The following DOK5 variants were observed in gnomAD, a reference collection of about 807,000 sequenced individuals.
DOK5 encodes the protein docking protein 5.
DOK5 carries 27 observed loss-of-function variants against 43.3 expected under a neutral mutation model. That is an observed-to-expected ratio of 0.62 (90% CI 0.46 to 0.86). The LOEUF (loss-of-function observed/expected upper bound fraction) is 0.86. DOK5 is among the 40% of genes least tolerant of loss of function. The pLI is 0.00. For synonymous variants in DOK5, 146 were observed against 140.1 expected, an observed-to-expected ratio of 1.04 and a Z score of -0.30; for missense variants, 373 against 392.9, an observed-to-expected ratio of 0.95 and a Z score of 0.43.
At chr20:54,598,089 C>T (rs920727896) in intron 5 of DOK5, among the ~76,000 whole-genome samples, 1 of 152,144 alleles carries the variant, frequency 6.6e-6, no homozygotes, top group African/African-American at 2.4e-5. Context: ...TACATCTTTC[C>T]AGGGCAGCAC....
At chr20:54,481,006 T>TATC (rs1298676823) in intron 1 of DOK5, among the ~76,000 whole-genome samples, 2 of 137,454 alleles carry the variant, frequency 1.5e-5, no homozygotes, top group Non-Finnish European at 3.2e-5. Flanking sequence ...ATCTATCATC[T>TATC]ATCATCTATC....
At position 54,539,765 on chromosome 20, in the gene DOK5, G is replaced by C. The variant is rs563696937; in HGVS notation, c.67-15168G>C. ...AACCCAGCCATGATTAATGAAGCCG[G>C]GTCAGATCAGCCAAACTGCCCAATC... On this transcript the variant is annotated intron_variant, in intron 1 of 7. Transcript: ENST00000262593. Among the ~76,000 whole-genome samples the C allele has an allele frequency of 4.6e-5, 7 of 152,226 alleles. No homozygotes were observed. In the East Asian group the frequency reaches 1.2e-3, roughly 25 times the overall value.
chr20:54,627,932 A>C (rs1978374619), intron 6 of DOK5, among the ~76,000 whole-genome samples: 1 of 152,164 alleles, frequency 6.6e-6, no homozygotes, highest in African/African-American at 2.4e-5. Flanking sequence ...CTCAAGAAGA[A>C]ACAAGGGATG....
chr20:54,506,343 G>A (rs903327758), intron 1 of DOK5, among the ~76,000 whole-genome samples: 1 of 152,050 alleles, frequency 6.6e-6, no homozygotes, highest in Non-Finnish European at 1.5e-5. Context: ...CATCGGGGTG[G>A]GATTGTTTAG....
At chr20:54,583,832 T>C (rs1985713556) in intron 2 of DOK5, among the ~76,000 whole-genome samples, 1 of 152,140 alleles carries the variant, frequency 6.6e-6, no homozygotes, top group Non-Finnish European at 1.5e-5. Flanking sequence ...TTTTAATTTA[T>C]CTTTTGATAG....
At chr20:54,634,021 C>T (rs904741522) in intron 6 of DOK5, among the ~76,000 whole-genome samples, 3 of 152,204 alleles carry the variant, frequency 2.0e-5, no homozygotes, top group Non-Finnish European at 4.4e-5. Flanking sequence ...CACTCCTGGT[C>T]TCAGACTCAT....
At chr20:54,527,037 T>A (rs549067332) in intron 1 of DOK5, among the ~76,000 whole-genome samples, 6 of 152,326 alleles carry the variant, frequency 3.9e-5, no homozygotes, top group Non-Finnish European at 7.4e-5. Context: ...CTGATAAGGA[T>A]ACTGAGATAA....
At chr20:54,618,535 G>T (rs1001535612) in intron 6 of DOK5, among the ~76,000 whole-genome samples, 1 of 151,978 alleles carries the variant, frequency 6.6e-6, no homozygotes, top group African/African-American at 2.4e-5. Flanking sequence ...AGTAGAGACG[G>T]TGTTTCACTA....
At chr20:54,499,805 C>T (rs561633176) in intron 1 of DOK5, among the ~76,000 whole-genome samples, 4 of 152,270 alleles carry the variant, frequency 2.6e-5, no homozygotes, top group African/African-American at 7.2e-5. Flanking sequence ...TCTATTCTGA[C>T]GTGTTGTCAC....
intron 5 of DOK5, among the ~76,000 whole-genome samples, chr20:54,596,584 C>T (rs569993014): frequency 7.9e-4 from 120 of 152,262 alleles, no homozygotes; most frequent in African/African-American, 2.8e-3. Context: ...GCTGTGGGAA[C>T]GTGGATATGT....
chr20:54,539,979 T>C (rs949451789), intron 1 of DOK5, among the ~76,000 whole-genome samples: 2 of 152,088 alleles, frequency 1.3e-5, no homozygotes, highest in Non-Finnish European at 2.9e-5. Flanking sequence ...AATATAACAC[T>C]TTGGAGGCTG....
At chr20:54,559,871 C>T (rs941130010) in intron 2 of DOK5, among the ~76,000 whole-genome samples, 4 of 152,106 alleles carry the variant, frequency 2.6e-5, no homozygotes, top group African/African-American at 4.8e-5. Context: ...ATTAAATGAA[C>T]GTGAATGTAT....
chr20:54,612,211 C>A (rs1986672370), intron 6 of DOK5, among the ~76,000 whole-genome samples: 1 of 152,102 alleles, frequency 6.6e-6, no homozygotes, highest in Non-Finnish European at 1.5e-5. Flanking sequence ...AGTCAGCAGG[C>A]TGGATTTGGG....
chr20:54,610,260 G>A (rs1986604370), intron 5 of DOK5, 128 bp from the exon 6 acceptor site: 1 of 1,029,898 alleles, frequency 9.7e-7, no homozygotes, highest in Non-Finnish European at 1.3e-6. Flanking sequence ...AGTTAACTTT[G>A]TTTAACAAAT....
chr20:54,524,988 G>T (rs1983531028), intron 1 of DOK5, among the ~76,000 whole-genome samples: 1 of 152,198 alleles, frequency 6.6e-6, no homozygotes, highest in Non-Finnish European at 1.5e-5. Context: ...TTATTTGAGG[G>T]TGTTCCCAAG....
At chr20:54,631,730 T>C (rs1489768192) in intron 6 of DOK5, among the ~76,000 whole-genome samples, 1 of 152,074 alleles carries the variant, frequency 6.6e-6, no homozygotes, top group Admixed American at 6.5e-5. Flanking sequence ...TCCCAGCACT[T>C]TGGGAGGCCG....
intron 5 of DOK5, among the ~76,000 whole-genome samples, chr20:54,597,959 G>T (rs1170446241): frequency 6.7e-6 from 1 of 149,236 alleles, no homozygotes; most frequent in East Asian, 1.9e-4. Flanking sequence ...CCACAGACTT[G>T]CAAAGATGCT....
intron 2 of DOK5, among the ~76,000 whole-genome samples, chr20:54,564,463 T>C (rs1249381218): frequency 6.6e-6 from 1 of 152,180 alleles, no homozygotes; most frequent in South Asian, 2.1e-4. Context: ...ACACATATGC[T>C]TCCCAAAATA....
At chr20:54,477,397 C>G (rs1981476500) in intron 1 of DOK5, among the ~76,000 whole-genome samples, 1 of 152,060 alleles carries the variant, frequency 6.6e-6, no homozygotes, top group African/African-American at 2.4e-5. Context: ...CGATTATGTC[C>G]TGTGTTATTG....
Sources: gnomAD v4.1 joint callset for allele counts (sites outside exome capture counted in the v4.1 genomes callset) on GRCh38, gnomAD v4.1.1 for gene constraint, MANE v1.5 for transcripts, NCBI Gene and HGNC (gene_info 2026-07-23, HGNC 2026-07-21) for gene names.